Variants in OR2T1 observed in about 807,000 individuals in gnomAD.
OR2T1 encodes the protein olfactory receptor 2T1.
For synonymous variants in OR2T1, 186 were observed against 145.4 expected (o/e 1.28, Z -2.01); for missense variants, 440 against 390.2 (o/e 1.13, Z -1.07).
At chr1:248,405,941 C>G in intron 1 of OR2T1, 174 bp from the exon 2 acceptor site, 5 of 1,424,620 alleles carry the variant, frequency 3.5e-6, no homozygotes, top group Non-Finnish European at 3.8e-6. Flanking sequence ...TTAATAATGA[C>G]CAATTTTATT....
At chr1:248,404,245 G>GGCCGCTATTACATATACGTGTGTGTAT in intron 1 of OR2T1, among the ~76,000 whole-genome samples, 1 of 150,968 alleles carries the variant, frequency 6.6e-6, no homozygotes, top group African/African-American at 2.4e-5. Context: ...AGACAGCAGA[G>GGCCGCTATTACATATACGTGTGTGTAT]ACCACTGTTT....
At position 248,406,613 on chromosome 1, in the gene OR2T1, T is replaced by G; in HGVS notation, c.466T>G (p.Phe156Val). ...CTGGTTTGGGGGCTCTTTGGATGGC[T>G]TCCTCCTAACCCCCATCACCATGAG... is the stretch of plus-strand genomic sequence containing the variant. ...GSWFGGSLDG[F>V]LLTPITMSFP... Residue 156 changes from phenylalanine (F) to valine (V), a missense_variant, in exon 2 of 2, where the codon TTC becomes GTC. Phe to Val is a conservative substitution (Grantham distance 50). Coordinates refer to ENST00000642005, the MANE Select transcript of OR2T1 (RefSeq NM_030904.2). 1 of 1,614,174 alleles carries G rather than the reference T, an allele frequency of 6.2e-7. No individual in the cohort carries two copies. The highest frequency in any genetic ancestry group is 8.5e-7 in the Non-Finnish European group (1 of 1,180,014).
At position 248,407,363 on chromosome 1, in the gene OR2T1, T is replaced by A. The variant is rs28376879; in HGVS notation, c.*259T>A. The A allele has an allele frequency of 0.45, 188,346 of 421,136 alleles. 46,482 individuals are homozygous for A. Among genetic ancestry groups the A allele is most frequent in the Non-Finnish European group, 0.53 (126,992 of 240,202 alleles). 26.1% of individuals were successfully genotyped at this position (421,136 alleles called of 1,614,324 possible). On this transcript the variant is annotated 3_prime_UTR_variant, in exon 2 of 2. Transcript: ENST00000642005. ...TCTCCCCAAAGAAAGCCTTAGAAAC[T>A]AAAAATATAATCCAATCTTTCCCCG...
chr1:248,407,470 A>C lies in OR2T1; in HGVS notation c.*366A>C. The stretch of plus-strand genomic sequence containing the variant: ...TCTGTTTCAAAAGAGGTCTTCTCTC[A>C]TACCCTGGGGGAGGGAATGCTATAC... On this transcript the variant is annotated 3_prime_UTR_variant, in exon 2 of 2. Transcript: ENST00000642005. The C allele has an allele frequency of 4.6e-6, 1 of 216,234 alleles. No individual in the cohort carries two copies. Among genetic ancestry groups the C allele is most frequent in the Non-Finnish European group, 9.0e-6 (1 of 110,580 alleles). The allele number at this position is 216,234 out of a possible 1,614,324, so 13.4% of individuals were successfully genotyped here.
At position 248,407,111 on chromosome 1, in the gene OR2T1, A is replaced by G; in HGVS notation, c.*7A>G. 1 of 1,554,764 alleles carries G rather than the reference A, an allele frequency of 6.4e-7. No homozygotes were observed. ...GTCAGGAGGTGTCTTTTGACAGTCGACTCCTTCCCATGCATATGGTAAATG... is the reference window on the plus strand; with the variant it reads ...GTCAGGAGGTGTCTTTTGACAGTCGGCTCCTTCCCATGCATATGGTAAATG... On this transcript the variant is annotated 3_prime_UTR_variant, in exon 2 of 2. Transcript: ENST00000642005.
chr1:248,405,321 C>A (rs1661532803), intron 1 of OR2T1, among the ~76,000 whole-genome samples: 2 of 152,060 alleles, frequency 1.3e-5, no homozygotes, highest in Non-Finnish European at 1.5e-5. Context: ...ATTCTAATTT[C>A]CAAAAATAAT....
chr1:248,406,925 C>T lies in OR2T1; in HGVS notation c.778C>T (p.Leu260=). 1 of 1,614,066 alleles carries T rather than the reference C, an allele frequency of 6.2e-7. No homozygotes were observed. Among genetic ancestry groups the T allele is most frequent in the Non-Finnish European group, 8.5e-7 (1 of 1,179,956 alleles). ...FYGAAMYTYM[L]PHSYHKPAQD... is the part of the protein sequence containing the mutation. ...CGGGGCTGCCATGTACACCTACATG[C>T]TGCCACATTCTTACCACAAGCCAGC... The change falls in exon 2 of 2, where the codon CTG becomes TTG. Residue 260 remains leucine, a synonymous_variant. Transcript: ENST00000642005.
At position 248,407,330 on chromosome 1, in the gene OR2T1, C is replaced by T; in HGVS notation, c.*226C>T. 2.3e-6 allele frequency: 1 copy of T among 433,250 alleles called. No individual in the cohort carries two copies. The highest frequency in any genetic ancestry group is 4.0e-6 in the Non-Finnish European group (1 of 247,992). 26.8% of individuals were successfully genotyped at this position (433,250 alleles called of 1,614,324 possible). ...TCTTCGCCTTCCCTCTTTTCACCTG[C>T]TTCTTTTTCTCCCCAAAGAAAGCCT... On this transcript the variant is annotated 3_prime_UTR_variant, in exon 2 of 2. Coordinates refer to ENST00000642005, the MANE Select transcript of OR2T1 (RefSeq NM_030904.2).
Position 248,406,807 on chromosome 1 carries a change from C to T in OR2T1, c.660C>T (p.Ile220=), listed in dbSNP as rs189498255. 4.5e-5 allele frequency: 73 copies of T among 1,614,166 alleles called. No homozygotes were observed. The East Asian group carries it at 1.5e-3, about 33-fold the overall frequency. ...TAGTCCTTGCTTCCTATGCCCGAATCCTGACTACAGTTCAGTGCATGAGCT... is the reference window on the plus strand; with the variant it reads ...TAGTCCTTGCTTCCTATGCCCGAATTCTGACTACAGTTCAGTGCATGAGCT... ...FSVVLASYAR[I]LTTVQCMSSV... is the part of the protein sequence containing the mutation. Residue 220 remains isoleucine (I), a synonymous_variant, in exon 2 of 2, where the codon ATC becomes ATT. Transcript: ENST00000642005.
chr1:248,404,205 T>C (rs201841212), intron 1 of OR2T1, among the ~76,000 whole-genome samples: 3,607 of 127,240 alleles, frequency 0.028, 14 homozygotes, highest in South Asian at 0.055. Context: ...CGTGTGTGTG[T>C]GTGTGTATAA....
chr1:248,405,979 C>A lies in OR2T1; in HGVS notation c.-33-136C>A. 3.2e-6 allele frequency: 5 copies of A among 1,573,390 alleles called. No homozygotes were observed. In the South Asian group the frequency reaches 6.0e-5, roughly 19 times the overall value. On this transcript the variant is annotated intron_variant, in intron 1 of 1. Coordinates refer to ENST00000642005, the MANE Select transcript of OR2T1 (RefSeq NM_030904.2). Reference sequence around the variant, plus strand: ...AAAACCTTCTGGAATAGAGTAAATGCTAGATATCAGTCTCAATGTGGCAAG... The same window carrying A: ...AAAACCTTCTGGAATAGAGTAAATGATAGATATCAGTCTCAATGTGGCAAG...
chr1:248,406,594 T>TG lies in OR2T1; in HGVS notation c.452dup (p.Ser152LeufsTer23). 1 of 1,614,146 alleles carries TG rather than the reference T, an allele frequency of 6.2e-7. No homozygotes were observed. Among genetic ancestry groups the TG allele is most frequent in the Non-Finnish European group, 8.5e-7 (1 of 1,179,998 alleles). Reference sequence around the variant, plus strand: ...GGATGATTATAGCAGGTTCCTGGTTTGGGGGCTCTTTGGATGGCTTCCTCC... The same window carrying TG: ...GGATGATTATAGCAGGTTCCTGGTTTGGGGGGCTCTTTGGATGGCTTCCTCC... On this transcript the variant is annotated frameshift_variant, in exon 2 of 2. Coordinates refer to ENST00000642005, the MANE Select transcript of OR2T1 (RefSeq NM_030904.2). LOFTEE classifies it low-confidence loss of function (END_TRUNC).
At chr1:248,404,247 C>CTACATATACGTGTG (rs1558313987) in intron 1 of OR2T1, among the ~76,000 whole-genome samples, 1 of 5,310 alleles carries the variant, frequency 1.9e-4, no homozygotes, top group African/African-American at 5.0e-4. Context: ...ACAGCAGAGA[C>CTACATATACGTGTG]CACTGTTTGA....
rs1325668821 is a variant in OR2T1, at chr1:248,406,196, T to C, written c.49T>C (p.Phe17Leu). 2 of 1,614,060 alleles carry C rather than the reference T, an allele frequency of 1.2e-6. No individual in the cohort carries two copies. The highest frequency in any genetic ancestry group is 2.2e-5 in the South Asian group (2 of 91,076). ...SSTDFTFMGL[F>L]NRKETSGLIF... Reference sequence around the variant, plus strand: ...TACAGACTTCACTTTCATGGGGCTGTTCAACAGAAAGGAAACCTCAGGTCT... The same window carrying C: ...TACAGACTTCACTTTCATGGGGCTGCTCAACAGAAAGGAAACCTCAGGTCT... Residue 17 changes from phenylalanine to leucine, a missense_variant, in exon 2 of 2, where the codon TTC (phenylalanine) becomes CTC (leucine). Coordinates refer to ENST00000642005, the MANE Select transcript of OR2T1 (RefSeq NM_030904.2).
chr1:248,404,560 A>AT (rs1553313019), intron 1 of OR2T1, among the ~76,000 whole-genome samples: 34 of 148,572 alleles, frequency 2.3e-4, no homozygotes, highest in South Asian at 1.5e-3. Flanking sequence ...ATATATATAT[A>AT]AAATATACAT....
chr1:248,404,014 T>TAA (rs945547746), intron 1 of OR2T1, among the ~76,000 whole-genome samples: 10 of 149,230 alleles, frequency 6.7e-5, no homozygotes, highest in African/African-American at 2.2e-4. Context: ...TATATATATA[T>TAA]AATGGATAAA....
At position 248,406,515 on chromosome 1, in the gene OR2T1, T is replaced by TG; in HGVS notation, c.370dup (p.Ala124GlyfsTer51). 2 of 1,614,126 alleles carry TG rather than the reference T, an allele frequency of 1.2e-6. No individual in the cohort carries two copies. The highest frequency in any genetic ancestry group is 1.7e-6 in the Non-Finnish European group (2 of 1,180,012). ...GGCCTCATGGCCTATGACCGCTATG[T>TG]GGCCATTTGCAACCCTCTGAGATAC... On this transcript the variant is annotated frameshift_variant, in exon 2 of 2. Transcript: ENST00000642005. LOFTEE classifies it low-confidence loss of function (END_TRUNC).
chr1:248,407,287 CTG>C lies in OR2T1; in HGVS notation c.*184_*185del. The C allele has an allele frequency of 4.3e-6, 2 of 468,974 alleles. No homozygotes were observed. The highest frequency in any genetic ancestry group is 7.4e-6 in the Non-Finnish European group (2 of 271,640). 29.1% of individuals were successfully genotyped at this position (468,974 alleles called of 1,614,324 possible). On this transcript the variant is annotated 3_prime_UTR_variant, in exon 2 of 2. Transcript: ENST00000642005. ...TTGTGGTTTTTTAGGCCTCAGAAAA[CTG>C]AATCTCTCTCTGTGATCTTCGCCTT...
In OR2T1 at chr1:248,406,205, A is replaced by G. The variant is rs1036440555; in HGVS notation, c.58A>G (p.Lys20Glu). ...DFTFMGLFNR[K>E]ETSGLIFAII... Reference sequence around the variant, plus strand: ...CACTTTCATGGGGCTGTTCAACAGAAAGGAAACCTCAGGTCTTATTTTTGC... The same window carrying G: ...CACTTTCATGGGGCTGTTCAACAGAGAGGAAACCTCAGGTCTTATTTTTGC... The change falls in exon 2 of 2, where the codon AAG becomes GAG. Residue 20 changes from lysine (K) to glutamate (E), a missense_variant. Lys to Glu is a moderately conservative substitution (Grantham distance 56). Coordinates refer to ENST00000642005, the MANE Select transcript of OR2T1 (RefSeq NM_030904.2). 5 of 1,613,956 alleles carry G rather than the reference A, an allele frequency of 3.1e-6. No homozygotes were observed. The African/African-American group carries it at 6.7e-5, about 22-fold the overall frequency.
Sources: gnomAD v4.1 joint callset for allele counts (sites outside exome capture counted in the v4.1 genomes callset) on GRCh38, gnomAD v4.1.1 for gene constraint, MANE v1.5 for transcripts, NCBI Gene and HGNC (gene_info 2026-07-23, HGNC 2026-07-21) for gene names.